HMMR: variants seen among roughly 807,000 people sequenced by gnomAD.
HMMR encodes intracellular hyaluronic acid-binding protein.
HMMR carries 108 observed loss-of-function variants against 101.0 expected under a neutral mutation model. The observed-to-expected ratio is 1.07, with a 90% CI of 0.92 to 1.25. The LOEUF (loss-of-function observed/expected upper bound fraction) is 1.25, where lower values mean the gene tolerates loss of function less well. HMMR is among the 50% of genes most tolerant of loss of function. The probability of loss-of-function intolerance (pLI) is 0.00; values close to 1 mark genes in which losing one functional copy is unlikely to be tolerated. For missense variants in HMMR, 813 were observed against 788.7 expected, an observed-to-expected ratio of 1.03 and a Z score of -0.37; for synonymous variants, 296 against 276.4, an observed-to-expected ratio of 1.07 and a Z score of -0.70.
In HMMR at chr5:163,491,237, A is replaced by G. The variant is rs951895741; in HGVS notation, c.*73A>G. ...TGATGTTGCTGTTATTATATTTGACATGGGTATTTTATAATGTTGTATTTA... is the reference window on the plus strand; with the variant it reads ...TGATGTTGCTGTTATTATATTTGACGTGGGTATTTTATAATGTTGTATTTA... On this transcript the variant is annotated 3_prime_UTR_variant, in exon 18 of 18. Transcript: ENST00000393915. 2.4e-6 allele frequency: 2 copies of G among 817,400 alleles called. No homozygotes were observed. Among genetic ancestry groups the G allele is most frequent in the Non-Finnish European group, 3.9e-6 (2 of 508,104 alleles). The allele number at this position is 817,400 out of a possible 1,614,324, so 50.6% of individuals were successfully genotyped here. A position where few individuals can be genotyped will look rare whatever the true frequency, so the allele number is the denominator to read the frequency against.
At chr5:163,473,618 A>T (rs1758972903) in intron 9 of HMMR, 61 bp downstream of exon 9, 3 of 1,017,800 alleles carry the variant, frequency 2.9e-6, no homozygotes, top group South Asian at 1.8e-5. Flanking sequence ...ATTTAGGAAA[A>T]ATACTACTAT....
At chr5:163,469,600 T>A in intron 4 of HMMR, 41 bp from the exon 5 acceptor site, 3 of 1,528,424 alleles carry the variant, frequency 2.0e-6, no homozygotes, top group Non-Finnish European at 2.7e-6. Flanking sequence ...ATGTTGGCAT[T>A]CTATCAGTGA....
At chr5:163,469,356 G>A (rs1405061475) in intron 4 of HMMR, among the ~76,000 whole-genome samples, 1 of 117,576 alleles carries the variant, frequency 8.5e-6, no homozygotes, top group Admixed American at 1.0e-4. Context: ...AGAGCACAGA[G>A]CAAGACTCCA....
rs1050676907 is a variant in HMMR at position 163,482,806 on chromosome 5, T to C, written c.1532+18T>C. The C allele has an allele frequency of 1.9e-6, 3 of 1,605,732 alleles. No individual in the cohort carries two copies. In the African/African-American group the frequency reaches 4.0e-5, roughly 21 times the overall value. On this transcript the variant is annotated intron_variant, in intron 13 of 17. Coordinates refer to ENST00000393915, the MANE Select transcript of HMMR (RefSeq NM_001142556.2). Reference sequence around the variant, plus strand: ...TATGTAAGGTATATAGAGCAAATAATGGCCTTAGAACCATTAAGACAATTT... The same window carrying C: ...TATGTAAGGTATATAGAGCAAATAACGGCCTTAGAACCATTAAGACAATTT...
intron 11 of HMMR, among the ~76,000 whole-genome samples, chr5:163,478,017 C>T (rs1759124985): frequency 6.6e-6 from 1 of 152,112 alleles, no homozygotes; most frequent in Non-Finnish European, 1.5e-5. Context: ...TGCTTATTTA[C>T]AATTTTTAGT....
At position 163,460,666 on chromosome 5, in the gene HMMR, C is replaced by T. The variant is rs1190259285; in HGVS notation, c.-27C>T. 6.3e-6 allele frequency: 10 copies of T among 1,595,140 alleles called. No homozygotes were observed. The highest frequency in any genetic ancestry group is 7.7e-6 in the Non-Finnish European group (9 of 1,169,398). ...TCAGTTGTCGAGGAGTGCCAGTCACCTTCAGTTTCTGGAGCTGGCCGTCAA... is the reference window on the plus strand; with the variant it reads ...TCAGTTGTCGAGGAGTGCCAGTCACTTTCAGTTTCTGGAGCTGGCCGTCAA... On this transcript the variant is annotated 5_prime_UTR_variant, in exon 1 of 18. Coordinates refer to ENST00000393915, the MANE Select transcript of HMMR (RefSeq NM_001142556.2).
At chr5:163,461,302 T>C (rs1470415907) in intron 1 of HMMR, among the ~76,000 whole-genome samples, 1 of 152,208 alleles carries the variant, frequency 6.6e-6, no homozygotes, top group Admixed American at 6.5e-5. Context: ...GTTATGTTAA[T>C]TTCCCACCAA....
rs1758990298 is a variant in HMMR, at chr5:163,474,073, G to T, written c.921G>T (p.Arg307Ser). The T allele has an allele frequency of 1.2e-6, 2 of 1,610,140 alleles. No individual in the cohort carries two copies. Among genetic ancestry groups the T allele is most frequent in the African/African-American group, 1.3e-5 (1 of 74,692 alleles). The stretch of plus-strand genomic sequence containing the variant: ...GTTTTCTAGAAGACCATGTCAACAG[G>T]AATAGAGAACACAACGAAAATCTAA... ...LEKEKEDHVNRNREHNENLNA... is the reference protein window; with the variant it reads ...LEKEKEDHVNSNREHNENLNA... Residue 307 changes from arginine (R) to serine (S), a missense_variant, in exon 10 of 18, where the codon AGG becomes AGT. Coordinates refer to ENST00000393915, the MANE Select transcript of HMMR (RefSeq NM_001142556.2).
At chr5:163,483,448 G>A (rs544475211) in intron 15 of HMMR, 81 bp downstream of exon 15, 94 of 717,976 alleles carry the variant, frequency 1.3e-4, no homozygotes, top group Non-Finnish European at 1.9e-4. Context: ...ACAGTGACTC[G>A]GGTTTTCTGC....
At chr5:163,485,704 G>A (rs1252267146) in intron 16 of HMMR, among the ~76,000 whole-genome samples, 3 of 151,980 alleles carry the variant, frequency 2.0e-5, no homozygotes, top group East Asian at 1.9e-4. Context: ...TCGTTCCTTG[G>A]TATCTATCTC....
intron 3 of HMMR, chr5:163,465,112 T>G: frequency 4.0e-6 from 1 of 249,940 alleles, no homozygotes; most frequent in Non-Finnish European, 7.6e-6. Flanking sequence ...TACCACCATT[T>G]GAGTTGTTTT....
rs1049254029 is a variant in HMMR, at chr5:163,483,932, A to G, written c.1786-137A>G. 10 of 536,288 alleles carry G rather than the reference A, an allele frequency of 1.9e-5. No homozygotes were observed. In the African/African-American group the frequency reaches 2.0e-4, roughly 11 times the overall value. 33.2% of individuals were successfully genotyped at this position (536,288 alleles called of 1,614,324 possible). A position where few individuals can be genotyped will look rare whatever the true frequency, so the allele number is the denominator to read the frequency against. ...TTTAAAAGATTCTCATAGAGAATCT[A>G]TGGAGAGCCCTGAGAATATGTGAAC... On this transcript the variant is annotated intron_variant, in intron 15 of 17. Transcript: ENST00000393915.
rs754327928 is a variant in HMMR at position 163,473,375 on chromosome 5, G to A, written c.726-4G>A. The A allele has an allele frequency of 1.9e-6, 3 of 1,604,454 alleles. No individual in the cohort carries two copies. The highest frequency in any genetic ancestry group is 2.2e-5 in the East Asian group (1 of 44,646). On this transcript the variant is annotated splice_region_variant and splice_polypyrimidine_tract_variant and intron_variant, in intron 8 of 17. Transcript: ENST00000393915. ...GCTTTTTAAGATAATTTGTTTTAAT[G>A]CAGTTGTGCTTCAGATCAAGTGGAA...
Position 163,483,429 on chromosome 5 carries a change from A to G in HMMR, c.1785+62A>G, listed in dbSNP as rs6897866. On this transcript the variant is annotated intron_variant, in intron 15 of 17. Transcript: ENST00000393915. ...TTAGGGACTCACTTTGTTCCCTATT[A>G]TAGTGAGGACAGTGACTCGGGTTTT... 6.6e-6 allele frequency: 6 copies of G among 903,654 alleles called. No homozygotes were observed. In the Admixed American group the frequency reaches 8.5e-5, roughly 13 times the overall value. The allele number at this position is 903,654 out of a possible 1,614,324, so 56.0% of individuals were successfully genotyped here. A position where few individuals can be genotyped will look rare whatever the true frequency, so the allele number is the denominator to read the frequency against.
At chr5:163,472,615 G>C (rs1758934109) in intron 7 of HMMR, among the ~76,000 whole-genome samples, 1 of 152,134 alleles carries the variant, frequency 6.6e-6, no homozygotes, top group Non-Finnish European at 1.5e-5. Context: ...CAGTCTGTTT[G>C]ATTTTAGCCT....
At chr5:163,487,742 G>GGTCA (rs1263775970) in intron 16 of HMMR, among the ~76,000 whole-genome samples, 1 of 150,910 alleles carries the variant, frequency 6.6e-6, no homozygotes, top group Non-Finnish European at 1.5e-5. Flanking sequence ...ATTTCTGTAA[G>GGTCA]GTCAGTAGTA....
Position 163,473,427 on chromosome 5 carries a change from A to C in HMMR, c.774A>C (p.Leu258Phe), listed in dbSNP as rs1675433186. 6.2e-7 allele frequency: 1 copy of C among 1,611,362 alleles called. No individual in the cohort carries two copies. Among genetic ancestry groups the C allele is most frequent in the Non-Finnish European group, 8.5e-7 (1 of 1,178,440 alleles). ...VEKYKLDIAQ[L>F]EENLKEKNDE... ...AATACAAGCTAGATATTGCCCAGTT[A>C]GAAGAAAATTTGAAAGAGAAGAATG... The change falls in exon 9 of 18, where the codon TTA becomes TTC. Residue 258 changes from leucine (L) to phenylalanine (F), a missense_variant. By Grantham distance (22) the Leu-to-Phe change is conservative. Coordinates refer to ENST00000393915, the MANE Select transcript of HMMR (RefSeq NM_001142556.2).
chr5:163,466,457 T>A (rs1389532960), intron 3 of HMMR, among the ~76,000 whole-genome samples: 2 of 152,218 alleles, frequency 1.3e-5, no homozygotes, highest in Admixed American at 1.3e-4. Flanking sequence ...AACTGAAATG[T>A]GGCTAGTGCT....
intron 16 of HMMR, chr5:163,489,319 AC>A: frequency 6.6e-6 from 1 of 152,102 alleles, no homozygotes; most frequent in Admixed American, 6.6e-5. Flanking sequence ...GAGGTTGGGG[AC>A]CCCTGCTTTA....
Sources: allele counts gnomAD v4.1 joint callset (sites outside exome capture counted in the v4.1 genomes callset), GRCh38; gene constraint gnomAD v4.1.1; transcripts MANE v1.5; gene names NCBI Gene and HGNC (gene_info 2026-07-23, HGNC 2026-07-21).